Variants in GTPBP1 observed in about 807,000 individuals in gnomAD.
The protein encoded by GTPBP1 is GTP-binding protein 1.
Under a neutral mutation model 62.0 loss-of-function variants are expected in GTPBP1, and 23 were observed. That is an observed-to-expected ratio of 0.37 (90% confidence interval 0.27 to 0.53). The LOEUF (loss-of-function observed/expected upper bound fraction) is 0.53. GTPBP1 is among the 20% of genes least tolerant of loss of function. The pLI, the probability that GTPBP1 is intolerant of heterozygous loss-of-function variation, is 0.89. For missense variants in GTPBP1, 640 were observed against 917.3 expected (o/e 0.70, Z 3.90); for synonymous variants, 344 against 364.4 (o/e 0.94, Z 0.64).
chr22:38,720,226 C>T (rs2092692733), intron 4 of GTPBP1, among the ~76,000 whole-genome samples: 3 of 147,990 alleles, frequency 2.0e-5, no homozygotes, highest in African/African-American at 7.5e-5. Flanking sequence ...CCGCGCCTGG[C>T]CTTTATTTTC....
chr22:38,740,130 G>T, downstream of GTPBP1: 1 of 1,278,676 alleles, frequency 7.8e-7, no homozygotes, highest in Non-Finnish European at 1.0e-6. The surrounding 1 kb of genome is among the most constrained non-coding windows in gnomAD (Gnocchi z 4.8). Context: ...GAGCCCACAT[G>T]TGTCAAGGCC....
chr22:38,706,649 C>G, intron 1 of GTPBP1: 1 of 153,058 alleles, frequency 6.5e-6, no homozygotes, highest in Non-Finnish European at 1.5e-5. Flanking sequence ...GCCGCCGCGT[C>G]TCTTCCCAGA....
chr22:38,725,710 A>G, intron 6 of GTPBP1: 1 of 375,702 alleles, frequency 2.7e-6, no homozygotes, highest in East Asian at 4.6e-5. Context: ...CGTGTGTTTT[A>G]GGAAGAAGCA....
In GTPBP1 at chr22:38,723,457, A is replaced by G. The variant is rs116610072; in HGVS notation, c.959-840A>G. ...AAATGCCCCAAGGAATGGCACTCAC[A>G]TGTCGGGCAGCCGATGCTCAGAGTA... is the stretch of plus-strand genomic sequence containing the variant. On this transcript the variant is annotated intron_variant, in intron 5 of 11. Transcript: ENST00000216044. The G allele has an allele frequency of 1.9e-3, 2,061 of 1,070,378 alleles. 24 individuals carry two copies. In the African/African-American group the frequency reaches 0.026, roughly 14 times the overall value. 66.3% of individuals were successfully genotyped at this position (1,070,378 alleles called of 1,614,324 possible). A position where few individuals can be genotyped will look rare whatever the true frequency, so the allele number is the denominator to read the frequency against.
intron 6 of GTPBP1, chr22:38,725,682 G>A (rs1471777151): frequency 3.4e-6 from 1 of 291,760 alleles, no homozygotes; most frequent in African/African-American, 2.1e-5. Context: ...AGGCGGTTAA[G>A]GATTTTAAGC....
downstream of GTPBP1, chr22:38,740,241 G>T (rs1441964639): frequency 6.5e-7 from 1 of 1,527,476 alleles, no homozygotes; most frequent in African/African-American, 1.4e-5. The surrounding 1 kb of genome is among the most constrained non-coding windows in gnomAD (Gnocchi z 4.8). Context: ...AGAGGGACCA[G>T]CAGGGCCCTG....
At chr22:38,740,799 G>C, downstream of GTPBP1, 1 of 609,908 alleles carries the variant, frequency 1.6e-6, no homozygotes. This position sits in a 1 kb window ranked among gnomAD's most constrained non-coding sequence, Gnocchi z 4.8. Context: ...CCTGCCCCCC[G>C]CCCTCAGGAC....
chr22:38,716,527 G>T lies in GTPBP1; in HGVS notation c.486-125G>T. The T allele has an allele frequency of 1.5e-6, 1 of 686,932 alleles. No individual in the cohort carries two copies. The highest frequency in any genetic ancestry group is 2.5e-6 in the Non-Finnish European group (1 of 397,218). The allele number at this position is 686,932 out of a possible 1,614,324, so 42.6% of individuals were successfully genotyped here. On this transcript the variant is annotated intron_variant, in intron 3 of 11. Transcript: ENST00000216044. This position sits in a 1 kb window ranked among gnomAD's most constrained non-coding sequence, Gnocchi z 5.2. ...CTGTGCTCCTCCGGCTCAAGGAGGAGCTGTGAGCCGGAGGGGATCGGGGCA... is the reference window on the plus strand; with the variant it reads ...CTGTGCTCCTCCGGCTCAAGGAGGATCTGTGAGCCGGAGGGGATCGGGGCA...
downstream of GTPBP1, chr22:38,738,565 C>A (rs2092827317): frequency 6.2e-7 from 1 of 1,604,834 alleles, no homozygotes; most frequent in Admixed American, 1.7e-5. The surrounding 1 kb of genome is among the most constrained non-coding windows in gnomAD (Gnocchi z 6.6). Flanking sequence ...CCCTCTGGCC[C>A]CACCACAGGA....
In GTPBP1 at chr22:38,730,197, C is replaced by T. The variant is rs939793049; in HGVS notation, c.1918-415C>T. ...TGATGAAGGCCTGGTGCCCCTTGCACCCCTCTCCCCAGCATCTTTCTCCAT... is the reference window on the plus strand; with the variant it reads ...TGATGAAGGCCTGGTGCCCCTTGCATCCCTCTCCCCAGCATCTTTCTCCAT... On this transcript the variant is annotated intron_variant, in intron 11 of 11. Coordinates refer to ENST00000216044, the MANE Select transcript of GTPBP1 (RefSeq NM_004286.5). This position sits in a 1 kb window ranked among gnomAD's most constrained non-coding sequence, Gnocchi z 5.6. Among the ~76,000 whole-genome samples, 1 of 152,200 alleles carries T rather than the reference C, an allele frequency of 6.6e-6. No homozygotes were observed. Among genetic ancestry groups the T allele is most frequent in the African/African-American group, 2.4e-5 (1 of 41,438 alleles).
At chr22:38,739,872 A>G, downstream of GTPBP1, 1 of 1,613,388 alleles carries the variant, frequency 6.2e-7, no homozygotes, top group Non-Finnish European at 8.5e-7. This position sits in a 1 kb window ranked among gnomAD's most constrained non-coding sequence, Gnocchi z 6.7. Flanking sequence ...CCTCTCTCTG[A>G]AGGAGCCCCA....
chr22:38,713,518 C>G (rs1569276717), intron 2 of GTPBP1, among the ~76,000 whole-genome samples: 1 of 152,022 alleles, frequency 6.6e-6, no homozygotes, highest in Non-Finnish European at 1.5e-5. Flanking sequence ...GGGAAGGAGG[C>G]AAGGTAAAAT....
intron 1 of GTPBP1, among the ~76,000 whole-genome samples, chr22:38,707,632 A>AC (rs1397358801): frequency 1.3e-5 from 2 of 152,246 alleles, no homozygotes; most frequent in Non-Finnish European, 2.9e-5. Flanking sequence ...GGATGTCAAC[A>AC]CATGGTCAAG....
At position 38,706,059 on chromosome 22, in the gene GTPBP1, C is replaced by T. The variant is rs987506971; in HGVS notation, c.104C>T (p.Ala35Val). 2.3e-5 allele frequency: 32 copies of T among 1,365,234 alleles called. 1 individual carries two copies. In the African/African-American group the frequency reaches 4.4e-4, roughly 19 times the overall value. The allele number at this position is 1,365,234 out of a possible 1,614,324, so 84.6% of individuals were successfully genotyped here. The stretch of plus-strand genomic sequence containing the variant: ...GGGGCGGCCAGGGCCGCGGCGGCCG[C>T]CGCCCGACTCCACGGCGGCTTTGAC... ...SPGAARAAAAAARLHGGFDSD... is the reference protein window; with the variant it reads ...SPGAARAAAAVARLHGGFDSD... The change falls in exon 1 of 12, where the codon GCC becomes GTC. Residue 35 changes from alanine (A) to valine (V), a missense_variant. Ala to Val is a moderately conservative substitution (Grantham distance 64). Around this residue, in one of 4 missense-constraint regions of GTPBP1, gnomAD observed 215 missense variants for 235.1 expected, o/e 0.91. Transcript: ENST00000216044.
chr22:38,724,537 C>G, intron 6 of GTPBP1, 126 bp downstream of exon 6: 1 of 622,296 alleles, frequency 1.6e-6, no homozygotes, highest in Non-Finnish European at 3.0e-6. Flanking sequence ...CAACACCTCT[C>G]CCTATTCAGA....
Position 38,721,801 on chromosome 22 carries a change from A to G in GTPBP1, c.894A>G (p.Ala298=), listed in dbSNP as rs775661917. ...MTKEHLGLAL[A]LNVPVFVVVT... The stretch of plus-strand genomic sequence containing the variant: ...AAGAACACCTGGGCTTGGCACTGGC[A>G]CTCAATGTACCTGTCTTTGTGGTAG... Residue 298 remains alanine (A), a synonymous_variant, in exon 5 of 12, where the codon GCA becomes GCG. Transcript: ENST00000216044. 1.1e-5 allele frequency: 18 copies of G among 1,612,570 alleles called. No homozygotes were observed. Among genetic ancestry groups the G allele is most frequent in the Non-Finnish European group, 1.4e-5 (17 of 1,178,904 alleles).
rs933220939 is a variant in GTPBP1, at chr22:38,716,847, G to A, written c.681G>A (p.Lys227=). 6.2e-7 allele frequency: 1 copy of A among 1,614,226 alleles called. No homozygotes were observed. Among genetic ancestry groups the A allele is most frequent in the Non-Finnish European group, 8.5e-7 (1 of 1,180,014 alleles). Residue 227 remains lysine (K), a synonymous_variant, in exon 4 of 12, where the codon AAG becomes AAA. Coordinates refer to ENST00000216044, the MANE Select transcript of GTPBP1 (RefSeq NM_004286.5). This position sits in a 1 kb window ranked among gnomAD's most constrained non-coding sequence, Gnocchi z 5.2. ...GFDSEGNVVN[K]PDSHGGSLEW... Reference sequence around the variant, plus strand: ...ACAGTGAAGGCAATGTAGTGAACAAGCCTGACAGCCACGGCGGCAGCCTGG... The same window carrying A: ...ACAGTGAAGGCAATGTAGTGAACAAACCTGACAGCCACGGCGGCAGCCTGG...
At chr22:38,711,130 A>C (rs1246399820) in intron 2 of GTPBP1, among the ~76,000 whole-genome samples, 2 of 152,234 alleles carry the variant, frequency 1.3e-5, no homozygotes, top group African/African-American at 4.8e-5. Context: ...CAGTTTCATC[A>C]GTGGTTTCCT....
At chr22:38,707,679 G>C (rs1009485597) in intron 1 of GTPBP1, among the ~76,000 whole-genome samples, 2 of 152,328 alleles carry the variant, frequency 1.3e-5, no homozygotes, top group Non-Finnish European at 2.9e-5. Context: ...GCAGGGCAGA[G>C]TTGCAAAGAC....
Sources: gnomAD v4.1 joint callset for allele counts (sites outside exome capture counted in the v4.1 genomes callset) on GRCh38, gnomAD v4.1.1 for gene constraint, gnomAD v4.1.1 regional missense constraint, Gnocchi (gnomAD v3.1) non-coding constraint, MANE v1.5 for transcripts, NCBI Gene and HGNC (gene_info 2026-07-23, HGNC 2026-07-21) for gene names.